ATP8A2: variants seen among roughly 807,000 people sequenced by gnomAD.
The protein encoded by ATP8A2 is ATPase phospholipid transporting 8A2.
A neutral mutation model predicts 165.6 loss-of-function variants in ATP8A2; 100 were observed. The ratio of observed to expected loss-of-function variants is 0.60; its 90% confidence interval spans 0.51 to 0.71. The LOEUF (loss-of-function observed/expected upper bound fraction) is 0.71. ATP8A2 is among the 30% of genes least tolerant of loss of function. The probability of loss-of-function intolerance (pLI) is 0.00; values close to 1 mark genes in which losing one functional copy is unlikely to be tolerated. For synonymous variants in ATP8A2, 543 were observed against 548.8 expected, an observed-to-expected ratio of 0.99 and a Z score of 0.15; for missense variants, 1,227 against 1,479.5, an observed-to-expected ratio of 0.83 and a Z score of 2.80.
chr13:25,791,930 A>G (rs775464181), intron 27 of ATP8A2, among the ~76,000 whole-genome samples: 2 of 152,126 alleles, frequency 1.3e-5, no homozygotes, highest in Non-Finnish European at 1.5e-5. Flanking sequence ...TGCAAGAGAA[A>G]CCTACCCTAA....
At chr13:25,814,282 A>G (rs1396105132) in intron 27 of ATP8A2, among the ~76,000 whole-genome samples, 1 of 152,154 alleles carries the variant, frequency 6.6e-6, no homozygotes, top group Non-Finnish European at 1.5e-5. Flanking sequence ...ATTTATCCTT[A>G]TCATTAAAAA....
At chr13:25,961,912 T>C (rs901695451) in intron 34 of ATP8A2, among the ~76,000 whole-genome samples, 2 of 152,186 alleles carry the variant, frequency 1.3e-5, no homozygotes, top group African/African-American at 4.8e-5. Context: ...TAGTCTCAGC[T>C]ACTTAGGAGG....
chr13:25,896,711 G>A (rs1452083518), intron 33 of ATP8A2, among the ~76,000 whole-genome samples: 2 of 152,104 alleles, frequency 1.3e-5, no homozygotes, highest in African/African-American at 2.4e-5. Context: ...ATGAATCTGG[G>A]TGCTCCTGTA....
intron 24 of ATP8A2, among the ~76,000 whole-genome samples, chr13:25,685,148 A>G (rs559985198): frequency 2.4e-4 from 37 of 152,162 alleles, no homozygotes; most frequent in African/African-American, 8.7e-4. Flanking sequence ...CCATAGTTGG[A>G]TGTGACAGCC....
intron 35 of ATP8A2, among the ~76,000 whole-genome samples, chr13:26,002,673 A>G (rs1224779219): frequency 6.6e-6 from 1 of 151,854 alleles, no homozygotes; most frequent in Non-Finnish European, 1.5e-5. Context: ...TCTGGTAACC[A>G]TCATTGTACT....
chr13:25,467,620 A>G (rs957497784), intron 1 of ATP8A2, among the ~76,000 whole-genome samples: 4 of 149,618 alleles, frequency 2.7e-5, no homozygotes, highest in African/African-American at 7.4e-5. Flanking sequence ...GCGCGATCTC[A>G]GCTCACTGCA....
At chr13:25,389,974 A>G (rs7983499) in intron 1 of ATP8A2, among the ~76,000 whole-genome samples, 1,571 of 132,344 alleles carry the variant, frequency 0.012, 28 homozygotes, top group African/African-American at 0.041. Context: ...TTAGGTTTCA[A>G]TTTTTTGCCT....
At chr13:25,500,693 C>T (rs1170623745) in intron 2 of ATP8A2, among the ~76,000 whole-genome samples, 1 of 152,076 alleles carries the variant, frequency 6.6e-6, no homozygotes, top group Non-Finnish European at 1.5e-5. Context: ...GATCCTCCCA[C>T]CTCAGCCTCC....
rs531680699 is a variant in ATP8A2 at position 25,581,813 on chromosome 13, A to G, written c.2008-6A>G. 20 of 1,612,820 alleles carry G rather than the reference A, an allele frequency of 1.2e-5. No homozygotes were observed. Among genetic ancestry groups the G allele is most frequent in the South Asian group, 7.7e-5 (7 of 90,732 alleles). On this transcript the variant is annotated splice_region_variant and splice_polypyrimidine_tract_variant and intron_variant, in intron 22 of 36. Transcript: ENST00000381655. ...ATCTTTAACTGAGGATATTTTTTCA[A>G]TGTAGAATTTGCTGCTACTTGGAGC...
At position 25,372,148 on chromosome 13, in the gene ATP8A2, G is replaced by T; in HGVS notation, c.-65G>T. On this transcript the variant is annotated 5_prime_UTR_variant, in exon 1 of 37. Coordinates refer to ENST00000381655, the MANE Select transcript of ATP8A2 (RefSeq NM_016529.6). This position sits in a 1 kb window ranked among gnomAD's most constrained non-coding sequence, Gnocchi z 4.8. ...CCATGGTCCTCGGGCGGCGGCCCCT[G>T]CGCCCAGCCCTGCGCGTAGCCTCCG... 2 of 1,186,140 alleles carry T rather than the reference G, an allele frequency of 1.7e-6. No homozygotes were observed. The highest frequency in any genetic ancestry group is 3.2e-5 in the African/African-American group (2 of 62,356). 73.5% of individuals were successfully genotyped at this position (1,186,140 alleles called of 1,614,324 possible). A position where few individuals can be genotyped will look rare whatever the true frequency, so the allele number is the denominator to read the frequency against.
chr13:25,574,612 G>A (rs928107775), intron 18 of ATP8A2, among the ~76,000 whole-genome samples, 196 bp from the exon 19 acceptor site: 1 of 152,182 alleles, frequency 6.6e-6, no homozygotes, highest in African/African-American at 2.4e-5. Flanking sequence ...TAGCACTGAA[G>A]AAACGTGAGA....
At chr13:25,622,205 CAA>C (rs66680708) in intron 24 of ATP8A2, among the ~76,000 whole-genome samples, 119 of 124,890 alleles carry the variant, frequency 9.5e-4, no homozygotes, top group African/African-American at 2.6e-3. Context: ...GACTCTGTCT[CAA>C]AAAAAAAAAA....
intron 29 of ATP8A2, 152 bp downstream of exon 29, chr13:25,837,437 ACAC>A (rs1566188923): frequency 1.9e-6 from 1 of 513,032 alleles, no homozygotes. Flanking sequence ...ACACACACAC[ACAC>A]ACACACACAC....
chr13:26,022,602 T>C lies in ATP8A2; in HGVS notation c.*2617T>C, dbSNP rs1957097562. ...CTTACAGCCAAATGACTAAATTGGCTGTAAATTGGTTTCTAGGAGGAGCAG... is the reference window on the plus strand; with the variant it reads ...CTTACAGCCAAATGACTAAATTGGCCGTAAATTGGTTTCTAGGAGGAGCAG... On this transcript the variant is annotated 3_prime_UTR_variant, in exon 37 of 37. Transcript: ENST00000381655. The C allele has an allele frequency of 6.6e-6, 1 of 152,204 alleles. No homozygotes were observed. The highest frequency in any genetic ancestry group is 1.5e-5 in the Non-Finnish European group (1 of 68,038). The allele number at this position is 152,204 out of a possible 1,614,324, so 9.4% of individuals were successfully genotyped here.
chr13:25,696,957 A>G (rs552414064), intron 24 of ATP8A2, among the ~76,000 whole-genome samples: 2 of 152,334 alleles, frequency 1.3e-5, no homozygotes, highest in Admixed American at 6.5e-5. Flanking sequence ...GTCACTGATG[A>G]CAGATTACCA....
At chr13:25,421,564 G>A (rs748776520) in intron 1 of ATP8A2, among the ~76,000 whole-genome samples, 2 of 152,196 alleles carry the variant, frequency 1.3e-5, no homozygotes, top group African/African-American at 2.4e-5. Context: ...TGAGCTCCAG[G>A]GCTCCAGTGA....
At chr13:25,545,407 T>C (rs963681388) in intron 10 of ATP8A2, among the ~76,000 whole-genome samples, 1 of 152,048 alleles carries the variant, frequency 6.6e-6, no homozygotes. Flanking sequence ...ATGAATAGTT[T>C]AGTGCTGTAG....
At chr13:25,525,380 G>A (rs1231760729) in intron 2 of ATP8A2, among the ~76,000 whole-genome samples, 2 of 152,130 alleles carry the variant, frequency 1.3e-5, no homozygotes, top group African/African-American at 2.4e-5. Flanking sequence ...ATGTCTATAT[G>A]CTTAATTTTA....
chr13:25,531,818 C>A (rs969429333), intron 4 of ATP8A2, among the ~76,000 whole-genome samples: 1 of 152,116 alleles, frequency 6.6e-6, no homozygotes, highest in African/African-American at 2.4e-5. Context: ...ACTTGGGTCC[C>A]ATCCCAGAGA....
Sources: gnomAD v4.1 joint callset for allele counts (sites outside exome capture counted in the v4.1 genomes callset) on GRCh38, gnomAD v4.1.1 for gene constraint, Gnocchi (gnomAD v3.1) non-coding constraint, MANE v1.5 for transcripts, NCBI Gene and HGNC (gene_info 2026-07-23, HGNC 2026-07-21) for gene names.